The following METTL15 variants were observed in gnomAD, a reference collection of about 807,000 sequenced individuals.
METTL15 encodes methyltransferase 15, mitochondrial 12S rRNA N4-cytidine.
In METTL15, 34 loss-of-function variants were observed where a neutral mutation model predicts 38.3. The ratio of observed to expected loss-of-function variants is 0.89; its 90% confidence interval spans 0.68 to 1.18. The LOEUF (loss-of-function observed/expected upper bound fraction) is 1.18. METTL15 is among the 50% of genes most tolerant of loss of function. The pLI is 0.00. For synonymous variants in METTL15, 162 were observed against 170.9 expected, an observed-to-expected ratio of 0.95 and a Z score of 0.41; for missense variants, 438 against 498.4, an observed-to-expected ratio of 0.88 and a Z score of 1.15.
chr11:28,506,999 C>T (rs1851633566), intron 6 of METTL15, among the ~76,000 whole-genome samples: 1 of 152,126 alleles, frequency 6.6e-6, no homozygotes, highest in Non-Finnish European at 1.5e-5. Context: ...CCTACTTCAG[C>T]CTCCCAAAGT....
At chr11:28,177,330 A>G (rs908868348) in intron 3 of METTL15, among the ~76,000 whole-genome samples, 1 of 152,026 alleles carries the variant, frequency 6.6e-6, no homozygotes, top group Non-Finnish European at 1.5e-5. Context: ...TAGATTTTTA[A>G]AAAAAGTACT....
chr11:28,495,138 A>G (rs1851525833), intron 6 of METTL15, among the ~76,000 whole-genome samples: 1 of 152,182 alleles, frequency 6.6e-6, no homozygotes, highest in Non-Finnish European at 1.5e-5. Context: ...TGAAAACAAC[A>G]TTGTCCAACC....
intron 3 of METTL15, among the ~76,000 whole-genome samples, chr11:28,173,341 T>C (rs1850929737): frequency 6.6e-6 from 1 of 152,064 alleles, no homozygotes; most frequent in African/African-American, 2.4e-5. Flanking sequence ...CTAGAGAGCT[T>C]ATTTGTCTCT....
chr11:28,165,605 G>C (rs1484658382), intron 3 of METTL15, among the ~76,000 whole-genome samples: 3 of 151,648 alleles, frequency 2.0e-5, no homozygotes, highest in African/African-American at 7.3e-5. Context: ...TCTCATCCTG[G>C]GTTATTTCTT....
chr11:28,442,743 T>C (rs985741257), intron 6 of METTL15, among the ~76,000 whole-genome samples: 1 of 152,230 alleles, frequency 6.6e-6, no homozygotes, highest in Non-Finnish European at 1.5e-5. Context: ...TTTTTCATTA[T>C]GTACACTATT....
chr11:28,164,729 G>T (rs919557705), intron 3 of METTL15, among the ~76,000 whole-genome samples: 1 of 151,870 alleles, frequency 6.6e-6, no homozygotes, highest in Admixed American at 6.6e-5. Context: ...AAGTTCTAGG[G>T]TACATGTGTA....
At chr11:28,197,836 T>C (rs910356964) in intron 3 of METTL15, among the ~76,000 whole-genome samples, 2 of 152,078 alleles carry the variant, frequency 1.3e-5, no homozygotes, top group Non-Finnish European at 2.9e-5. Flanking sequence ...AATCTTACCA[T>C]CATTTATTTT....
chr11:28,323,951 A>G (rs1351746432), intron 6 of METTL15, among the ~76,000 whole-genome samples: 1 of 152,214 alleles, frequency 6.6e-6, no homozygotes, highest in Non-Finnish European at 1.5e-5. Context: ...CATTACTGTG[A>G]GAGAAGTAAG....
intron 6 of METTL15, among the ~76,000 whole-genome samples, chr11:28,490,182 T>C (rs1851483016): frequency 6.6e-6 from 1 of 152,158 alleles, no homozygotes; most frequent in African/African-American, 2.4e-5. Flanking sequence ...CATTCTGCAA[T>C]CTGGTCCATG....
At chr11:28,423,406 G>A (rs979090677) in intron 5 of METTL15, among the ~76,000 whole-genome samples, 2 of 151,946 alleles carry the variant, frequency 1.3e-5, no homozygotes, top group Admixed American at 6.6e-5. Context: ...GGACCCCTAT[G>A]TTTATTGCAA....
chr11:28,307,004 T>C lies in METTL15; in HGVS notation c.778+10073T>C, dbSNP rs117148347. On this transcript the variant is annotated intron_variant, in intron 6 of 6. Transcript: ENST00000407364. Reference sequence around the variant, plus strand: ...CTTTTAATATATTTTATATTTCTTATAACTCTTCAGTTTTGTCAGAAATAT... The same window carrying C: ...CTTTTAATATATTTTATATTTCTTACAACTCTTCAGTTTTGTCAGAAATAT... Among the ~76,000 whole-genome samples the C allele has an allele frequency of 3.9e-5, 6 of 152,128 alleles. No homozygotes were observed. In the East Asian group the frequency reaches 1.2e-3, roughly 29 times the overall value.
At chr11:28,390,612 G>T (rs369244020) in intron 5 of METTL15, among the ~76,000 whole-genome samples, 251 of 152,176 alleles carry the variant, frequency 1.6e-3, no homozygotes, top group African/African-American at 2.9e-3. Context: ...ACTAGTACCA[G>T]GCTGTTTTGG....
At chr11:28,485,047 A>T (rs1851426996) in intron 6 of METTL15, among the ~76,000 whole-genome samples, 1 of 151,818 alleles carries the variant, frequency 6.6e-6, no homozygotes, top group South Asian at 2.1e-4. Flanking sequence ...CCTCGCTATG[A>T]TGCTAAGTTC....
At chr11:28,381,435 G>A (rs1006438067) in intron 5 of METTL15, among the ~76,000 whole-genome samples, 10 of 151,880 alleles carry the variant, frequency 6.6e-5, no homozygotes, top group African/African-American at 2.2e-4. Context: ...TTATTTTTTT[G>A]AATAAGTTTC....
rs567939655 is a variant in METTL15, at chr11:28,514,161, A to G, written c.*425-12317A>G. Among the ~76,000 whole-genome samples the G allele has an allele frequency of 6.6e-5, 10 of 152,286 alleles. No individual in the cohort carries two copies. The East Asian group carries it at 1.9e-3, about 29-fold the overall frequency. On this transcript the variant is annotated intron_variant and NMD_transcript_variant, in intron 6 of 7. Coordinates refer to the METTL15 transcript ENST00000532947. ...GGTGGGCCTTAAGTAGCAAAAGCCA[A>G]TCAGCATTCTTTCATCCCCTTTGAC...
chr11:28,397,330 G>A (rs1250734937), intron 5 of METTL15, among the ~76,000 whole-genome samples: 1 of 151,932 alleles, frequency 6.6e-6, no homozygotes, highest in Non-Finnish European at 1.5e-5. Flanking sequence ...GAAAATTTTT[G>A]CAATCTACTC....
At chr11:28,504,476 A>G (rs1851611074) in intron 6 of METTL15, among the ~76,000 whole-genome samples, 1 of 152,252 alleles carries the variant, frequency 6.6e-6, no homozygotes, top group African/African-American at 2.4e-5. Flanking sequence ...CTGGATTTTC[A>G]TGCATAATCT....
chr11:28,367,260 C>T (rs1421395419), intron 5 of METTL15, among the ~76,000 whole-genome samples: 1 of 147,650 alleles, frequency 6.8e-6, no homozygotes, highest in African/African-American at 2.5e-5. Flanking sequence ...ACCTGCAGTA[C>T]ACAGACAGAT....
At position 28,467,564 on chromosome 11, in the gene METTL15, A is replaced by T. The variant is rs544429613; in HGVS notation, c.*424+43200A>T. 6.6e-5 allele frequency among the ~76,000 whole-genome samples: 10 copies of T among 152,228 alleles called. No homozygotes were observed. In the South Asian group the frequency reaches 2.1e-3, roughly 32 times the overall value. ...AAGTCCTCCTCAACACAGTCCTTGC[A>T]TCTCTCTCCTACAGAAACCACAGAG... On this transcript the variant is annotated intron_variant and NMD_transcript_variant, in intron 6 of 7. Transcript: ENST00000532947.
Sources: gnomAD v4.1 joint callset for allele counts (sites outside exome capture counted in the v4.1 genomes callset) on GRCh38, gnomAD v4.1.1 for gene constraint, MANE v1.5 for transcripts, NCBI Gene and HGNC (gene_info 2026-07-23, HGNC 2026-07-21) for gene names.